ELL: variants seen among roughly 807,000 people sequenced by gnomAD.
ELL encodes the protein RNA polymerase II elongation factor ELL.
In ELL, 18 loss-of-function variants were observed where a neutral mutation model predicts 64.0. The ratio of observed to expected loss-of-function variants is 0.28; its 90% CI spans 0.19 to 0.42. The LOEUF (loss-of-function observed/expected upper bound fraction) is 0.42, where lower values mean the gene tolerates loss of function less well. Ranked by LOEUF, ELL falls within the 10% of genes least tolerant of loss-of-function variation. The pLI is 1.00. For synonymous variants in ELL, 399 were observed against 376.2 expected, an observed-to-expected ratio of 1.06 and a Z score of -0.70; for missense variants, 797 against 870.4, an observed-to-expected ratio of 0.92 and a Z score of 1.06.
chr19:18,500,958 T>A (rs1009468657), intron 1 of ELL, among the ~76,000 whole-genome samples: 1 of 150,818 alleles, frequency 6.6e-6, no homozygotes, highest in Non-Finnish European at 1.5e-5. Context: ...CAAATTCAAC[T>A]CCACAGAGTT....
At chr19:18,481,403 G>A (rs1395236375) in intron 1 of ELL, among the ~76,000 whole-genome samples, 1 of 152,144 alleles carries the variant, frequency 6.6e-6, no homozygotes, top group African/African-American at 2.4e-5. Flanking sequence ...TTCACCTGCT[G>A]CAGGCTCAGG....
intron 4 of ELL, among the ~76,000 whole-genome samples, chr19:18,464,380 AC>A (rs1974893714): frequency 6.6e-6 from 1 of 152,130 alleles, no homozygotes; most frequent in Non-Finnish European, 1.5e-5. Context: ...AAAAGAAAAA[AC>A]AAAAAACAAA....
chr19:18,451,644 G>A lies in ELL; in HGVS notation c.874C>T (p.Leu292=). The part of the protein sequence containing the change: ...QLLKRVLVRK[L]CQPQSTGSLL... ...CTGCCAGTGCTCTGTGGCTGGCACAGCTTCCTGCGAAGGAGAGGCAGGGCT... is the reference window on the plus strand; with the variant it reads ...CTGCCAGTGCTCTGTGGCTGGCACAACTTCCTGCGAAGGAGAGGCAGGGCT... The change falls in exon 7 of 12, where the codon CTG becomes TTG. Residue 292 remains leucine, a synonymous_variant. Coordinates refer to ENST00000262809, the MANE Select transcript of ELL (RefSeq NM_006532.4). 6.7e-7 allele frequency: 1 copy of A among 1,498,018 alleles called. No individual in the cohort carries two copies. 92.8% of individuals were successfully genotyped at this position (1,498,018 alleles called of 1,614,324 possible). A position where few individuals can be genotyped will look rare whatever the true frequency, so the allele number is the denominator to read the frequency against.
intron 9 of ELL, 97 bp from the exon 10 acceptor site, chr19:18,446,577 G>A (rs1037356713): frequency 2.7e-5 from 41 of 1,520,460 alleles, no homozygotes; most frequent in Middle Eastern, 3.4e-4. Flanking sequence ...CTGGCCTCTC[G>A]GGTGATTCCC....
rs776224962 is a variant in ELL at position 18,444,738 on chromosome 19, A to G, written c.*14T>C. ...CCCCCGACCCTCCCAGATCCCCGCCATCGGGGAGGGCGGCTAGGGCCAAGC... is the reference window on the plus strand; with the variant it reads ...CCCCCGACCCTCCCAGATCCCCGCCGTCGGGGAGGGCGGCTAGGGCCAAGC... On this transcript the variant is annotated 3_prime_UTR_variant, in exon 12 of 12. Transcript: ENST00000262809. The G allele has an allele frequency of 8.2e-6, 13 of 1,589,516 alleles. No homozygotes were observed. Among genetic ancestry groups the G allele is most frequent in the Non-Finnish European group, 1.0e-5 (12 of 1,170,384 alleles).
intron 1 of ELL, among the ~76,000 whole-genome samples, chr19:18,493,340 C>CG (rs1568393173): frequency 6.6e-6 from 1 of 152,218 alleles, no homozygotes; most frequent in African/African-American, 2.4e-5. Flanking sequence ...CTCTGTGCTG[C>CG]GGCCCTGAGG....
intron 5 of ELL, among the ~76,000 whole-genome samples, chr19:18,461,364 C>T (rs995909406): frequency 6.6e-6 from 1 of 152,200 alleles, no homozygotes; most frequent in Non-Finnish European, 1.5e-5. Flanking sequence ...CCTGGACAGT[C>T]GGGGCCATGC....
intron 1 of ELL, among the ~76,000 whole-genome samples, chr19:18,517,636 G>A (rs73527431): frequency 0.058 from 8,815 of 151,806 alleles, 872 homozygotes; most frequent in African/African-American, 0.2. Flanking sequence ...CGACACAGGA[G>A]GATCCCTTAA....
chr19:18,479,871 G>C (rs1179279899), intron 1 of ELL, among the ~76,000 whole-genome samples: 2 of 152,064 alleles, frequency 1.3e-5, no homozygotes, highest in African/African-American at 4.8e-5. Flanking sequence ...GGACAATGAG[G>C]CCCAAGGCAG....
At chr19:18,488,328 T>C (rs548550260) in intron 1 of ELL, among the ~76,000 whole-genome samples, 5 of 152,210 alleles carry the variant, frequency 3.3e-5, no homozygotes, top group South Asian at 2.1e-4. Context: ...ACCAGCAGCA[T>C]AGAACCCAGA....
chr19:18,465,530 C>A lies in ELL; in HGVS notation c.351G>T (p.Lys117Asn). ...AGTCGTCGGTGGCACACACCGTGAT[C>A]TTGTCCTGTATGCTGCCCAGGCAGT... ...HLDCLGSIQD[K>N]ITVCATDDSY... is the part of the protein sequence containing the mutation. Residue 117 changes from lysine (K) to asparagine (N), a missense_variant, in exon 4 of 12, where the codon AAG (lysine) becomes AAT (asparagine). Lys to Asn is a moderately conservative substitution (Grantham distance 94). Transcript: ENST00000262809. 1 of 1,611,814 alleles carries A rather than the reference C, an allele frequency of 6.2e-7. No individual in the cohort carries two copies. The highest frequency in any genetic ancestry group is 8.5e-7 in the Non-Finnish European group (1 of 1,178,268).
At chr19:18,499,999 C>T (rs551002084) in intron 1 of ELL, among the ~76,000 whole-genome samples, 5 of 152,366 alleles carry the variant, frequency 3.3e-5, no homozygotes, top group African/African-American at 4.8e-5. Flanking sequence ...TGGTGGCTCA[C>T]GCCTGTAATC....
Position 18,469,159 on chromosome 19 carries a change from G to A in ELL, c.184-3241C>T, listed in dbSNP as rs1343263012. Among the ~76,000 whole-genome samples the A allele has an allele frequency of 1.2e-4, 19 of 152,276 alleles. No homozygotes were observed. In the South Asian group the frequency reaches 2.1e-3, roughly 17 times the overall value. On this transcript the variant is annotated intron_variant, in intron 2 of 11. Transcript: ENST00000262809. Reference sequence around the variant, plus strand: ...CTCGGGAGAGTGTCGTGCTGCTGGCGAAAAGGGGAAGACACACAGAGGGCA... The same window carrying A: ...CTCGGGAGAGTGTCGTGCTGCTGGCAAAAAGGGGAAGACACACAGAGGGCA...
intron 6 of ELL, among the ~76,000 whole-genome samples, chr19:18,457,173 CAG>C (rs796878007): frequency 1.2e-3 from 177 of 152,320 alleles, no homozygotes; most frequent in African/African-American, 4.1e-3. Context: ...AGCCTTGAAT[CAG>C]GGGAGCTGGA....
At chr19:18,516,993 T>C (rs1214884773) in intron 1 of ELL, among the ~76,000 whole-genome samples, 2 of 152,132 alleles carry the variant, frequency 1.3e-5, no homozygotes, top group African/African-American at 4.8e-5. Flanking sequence ...AACAACGGTG[T>C]GCTCCTCTCC....
At chr19:18,452,076 G>A (rs1389129534) in intron 6 of ELL, among the ~76,000 whole-genome samples, 1 of 152,196 alleles carries the variant, frequency 6.6e-6, no homozygotes, top group Non-Finnish European at 1.5e-5. Context: ...GATCTGGAGG[G>A]CGGCAGAGTG....
rs1600498597 is a variant in ELL at position 18,505,870 on chromosome 19, C to A, written c.135+16051G>T. Among the ~76,000 whole-genome samples, 3 of 152,298 alleles carry A rather than the reference C, an allele frequency of 2.0e-5. 1 individual carries two copies. In the East Asian group the frequency reaches 5.8e-4, roughly 29 times the overall value. On this transcript the variant is annotated intron_variant, in intron 1 of 11. Coordinates refer to ENST00000262809, the MANE Select transcript of ELL (RefSeq NM_006532.4). ...CCTGACCTCCCACCCACAGGATGAC[C>A]CCACACAGCAGAGGGAGAAACTGAG...
chr19:18,503,478 A>C (rs1975823289), intron 1 of ELL, among the ~76,000 whole-genome samples: 1 of 152,082 alleles, frequency 6.6e-6, no homozygotes, highest in Admixed American at 6.6e-5. Flanking sequence ...GGGCTCTTGG[A>C]GGTGATGGAA....
At chr19:18,502,357 T>C (rs1275809237) in intron 1 of ELL, among the ~76,000 whole-genome samples, 5 of 151,864 alleles carry the variant, frequency 3.3e-5, no homozygotes. Flanking sequence ...TCTTCTGAGT[T>C]GTGGGCAGGC....
Sources: gnomAD v4.1 joint callset for allele counts (sites outside exome capture counted in the v4.1 genomes callset) on GRCh38, gnomAD v4.1.1 for gene constraint, MANE v1.5 for transcripts, NCBI Gene and HGNC (gene_info 2026-07-23, HGNC 2026-07-21) for gene names.